The following CAMK1D variants were observed in gnomAD, a reference collection of about 807,000 sequenced individuals.
CAMK1D encodes the protein calcium/calmodulin dependent protein kinase ID.
In CAMK1D, 9 loss-of-function variants were observed where a neutral mutation model predicts 47.7. That is an observed-to-expected ratio of 0.19 (90% CI 0.11 to 0.33). CAMK1D has a LOEUF of 0.33. Among genes scored for constraint, CAMK1D ranks in the 10% least tolerant of loss-of-function variants. The pLI is 1.00. For missense variants in CAMK1D, 291 were observed against 488.7 expected, an observed-to-expected ratio of 0.60 and a Z score of 3.81; for synonymous variants, 184 against 184.9, an observed-to-expected ratio of 0.99 and a Z score of 0.04.
intron 3 of CAMK1D, among the ~76,000 whole-genome samples, chr10:12,708,383 A>T (rs1833810910): frequency 6.6e-6 from 1 of 152,200 alleles, no homozygotes; most frequent in Admixed American, 6.5e-5. Flanking sequence ...ACTCCATCTG[A>T]TGGGCACAGA....
chr10:12,743,080 C>T (rs571248656), intron 3 of CAMK1D, among the ~76,000 whole-genome samples: 3 of 152,254 alleles, frequency 2.0e-5, no homozygotes, highest in Admixed American at 6.5e-5. Flanking sequence ...CCGTGGCTCA[C>T]GCCTGTAATC....
intron 1 of CAMK1D, among the ~76,000 whole-genome samples, chr10:12,466,312 G>A (rs952448434): frequency 6.6e-6 from 1 of 152,178 alleles, no homozygotes; most frequent in South Asian, 2.1e-4. Flanking sequence ...GGAGGCTGAG[G>A]CAGGAGAATG....
chr10:12,567,137 G>C (rs1461047797), intron 2 of CAMK1D, among the ~76,000 whole-genome samples: 4 of 152,174 alleles, frequency 2.6e-5, no homozygotes, highest in African/African-American at 9.7e-5. Flanking sequence ...GAAGTGCAGT[G>C]GGAAGAAACC....
At chr10:12,384,555 T>A (rs897834805) in intron 1 of CAMK1D, among the ~76,000 whole-genome samples, 5 of 152,224 alleles carry the variant, frequency 3.3e-5, no homozygotes, top group Non-Finnish European at 7.3e-5. Context: ...TTCTTTTGAC[T>A]GTCTTATTGG....
At chr10:12,460,285 G>A (rs1833385234) in intron 1 of CAMK1D, among the ~76,000 whole-genome samples, 2 of 150,468 alleles carry the variant, frequency 1.3e-5, no homozygotes, top group Middle Eastern at 3.4e-3. Context: ...TGAAGAGATG[G>A]GGTTCCACTT....
At chr10:12,547,840 T>G (rs971445701) in intron 1 of CAMK1D, among the ~76,000 whole-genome samples, 2 of 152,248 alleles carry the variant, frequency 1.3e-5, no homozygotes, top group Non-Finnish European at 2.9e-5. Context: ...AATAACAATT[T>G]ATGGTCATCT....
At chr10:12,825,453 A>G (rs1833166961) in intron 9 of CAMK1D, 120 bp from the exon 10 acceptor site, 19 of 916,208 alleles carry the variant, frequency 2.1e-5, no homozygotes, top group Non-Finnish European at 2.4e-5. Flanking sequence ...CTTGAGTAGC[A>G]TGAGAATGAT....
intron 5 of CAMK1D, among the ~76,000 whole-genome samples, chr10:12,780,661 A>G (rs933083469): frequency 3.3e-5 from 5 of 152,112 alleles, no homozygotes; most frequent in African/African-American, 1.2e-4. Context: ...TTGCTCCCCA[A>G]CAGAGCTTGC....
chr10:12,666,040 C>T (rs957956242), intron 2 of CAMK1D, among the ~76,000 whole-genome samples: 20 of 152,174 alleles, frequency 1.3e-4, no homozygotes, highest in African/African-American at 4.3e-4. Context: ...GTACTCTGTG[C>T]TTGTCGTGGG....
intron 2 of CAMK1D, among the ~76,000 whole-genome samples, chr10:12,622,719 A>T (rs1472838211): frequency 6.6e-6 from 1 of 152,078 alleles, no homozygotes; most frequent in African/African-American, 2.4e-5. Context: ...GCTGCCCTGG[A>T]GCGGCCCGGG....
intron 3 of CAMK1D, among the ~76,000 whole-genome samples, chr10:12,748,033 C>T (rs536929590): frequency 1.2e-4 from 18 of 152,158 alleles, no homozygotes; most frequent in Non-Finnish European, 2.4e-4. Flanking sequence ...CACTGTGGCC[C>T]ATTCAAGTTT....
chr10:12,502,791 G>T (rs1243714729), intron 1 of CAMK1D, among the ~76,000 whole-genome samples: 1 of 152,208 alleles, frequency 6.6e-6, no homozygotes, highest in African/African-American at 2.4e-5. Flanking sequence ...AGGACCCGGT[G>T]CCTGGCTGGG....
At chr10:12,618,166 C>G (rs1233546609) in intron 2 of CAMK1D, among the ~76,000 whole-genome samples, 2 of 152,160 alleles carry the variant, frequency 1.3e-5, no homozygotes, top group Admixed American at 6.5e-5. Context: ...TCAACATTTC[C>G]TCATTTCCTA....
intron 2 of CAMK1D, among the ~76,000 whole-genome samples, chr10:12,606,143 T>A (rs917757589): frequency 6.6e-6 from 1 of 152,092 alleles, no homozygotes; most frequent in African/African-American, 2.4e-5. Context: ...TTCCTTTGAG[T>A]TAACAACGCA....
chr10:12,801,432 C>T (rs940527979), intron 6 of CAMK1D, among the ~76,000 whole-genome samples: 1 of 150,296 alleles, frequency 6.7e-6, no homozygotes, highest in African/African-American at 2.4e-5. Flanking sequence ...CCCATCCTTC[C>T]ATTCATCCAT....
chr10:12,627,669 G>C (rs1839260583), intron 2 of CAMK1D, among the ~76,000 whole-genome samples: 1 of 152,000 alleles, frequency 6.6e-6, no homozygotes, highest in Non-Finnish European at 1.5e-5. Flanking sequence ...CTTTCACTCA[G>C]CATAATGTTT....
chr10:12,560,278 C>T (rs1246372938), intron 2 of CAMK1D, among the ~76,000 whole-genome samples: 1 of 151,976 alleles, frequency 6.6e-6, no homozygotes, highest in Admixed American at 6.6e-5. Flanking sequence ...GGGGTCCGGG[C>T]GCGGTGGCTC....
intron 3 of CAMK1D, among the ~76,000 whole-genome samples, chr10:12,679,431 G>A (rs1175311949): frequency 6.6e-6 from 1 of 152,166 alleles, no homozygotes; most frequent in Non-Finnish European, 1.5e-5. Context: ...AATACGGATA[G>A]TATCACCATG....
intron 2 of CAMK1D, among the ~76,000 whole-genome samples, chr10:12,660,655 T>G (rs973436554): frequency 6.6e-6 from 1 of 152,198 alleles, no homozygotes; most frequent in African/African-American, 2.4e-5. Flanking sequence ...TATTGGAGAT[T>G]ATGGAGGCTT....
Sources: allele counts gnomAD v4.1 joint callset (sites outside exome capture counted in the v4.1 genomes callset), GRCh38; gene constraint gnomAD v4.1.1; transcripts MANE v1.5; gene names NCBI Gene and HGNC (gene_info 2026-07-23, HGNC 2026-07-21).